FAM227B: variants seen among roughly 807,000 people sequenced by gnomAD.
FAM227B encodes the protein protein FAM227B.
Under a neutral mutation model 73.8 loss-of-function variants are expected in FAM227B, and 88 were observed. The ratio of observed to expected loss-of-function variants is 1.19; its 90% CI spans 1.00 to 1.42. The LOEUF (loss-of-function observed/expected upper bound fraction) is 1.42, where lower values mean the gene tolerates loss of function less well. FAM227B is among the 40% of genes most tolerant of loss of function. The pLI is 0.00. For synonymous variants in FAM227B, 210 were observed against 190.5 expected, an observed-to-expected ratio of 1.10 and a Z score of -0.84; for missense variants, 632 against 590.9, an observed-to-expected ratio of 1.07 and a Z score of -0.72.
intron 10 of FAM227B, among the ~76,000 whole-genome samples, chr15:49,519,040 T>C (rs947379977): frequency 2.0e-5 from 3 of 152,232 alleles, no homozygotes; most frequent in Admixed American, 6.5e-5. Context: ...TGGGAGAAGT[T>C]GGCCAAAGTG....
At chr15:49,359,825 A>G (rs1459269275) in intron 13 of FAM227B, among the ~76,000 whole-genome samples, 6 of 139,388 alleles carry the variant, frequency 4.3e-5, no homozygotes, top group Middle Eastern at 3.5e-3. Context: ...AATAGCAAAG[A>G]CTTGGAACCA....
chr15:49,579,047 C>T (rs984844489), intron 5 of FAM227B, among the ~76,000 whole-genome samples: 1 of 152,032 alleles, frequency 6.6e-6, no homozygotes. Context: ...ATATAAATGG[C>T]CTACGAAAAA....
Position 49,591,025 on chromosome 15 carries a change from T to G in FAM227B, c.106-1018A>C, listed in dbSNP as rs2076500088. Among the ~76,000 whole-genome samples, 2 of 137,898 alleles carry G rather than the reference T, an allele frequency of 1.5e-5. 1 individual carries two copies. The highest frequency in any genetic ancestry group is 4.7e-4 in the South Asian group (2 of 4,288). 90.5% of individuals were successfully genotyped at this position (137,898 alleles called of 152,430 possible). The stretch of plus-strand genomic sequence containing the variant: ...CTTCTTTTCTTTCTCTTTCTCTTTT[T>G]TTTGTTTTTTTTTTTTTTGATTTTT... On this transcript the variant is annotated intron_variant, in intron 3 of 15. Coordinates refer to ENST00000299338, the MANE Select transcript of FAM227B (RefSeq NM_152647.3).
chr15:49,390,406 C>T (rs1014810581), intron 11 of FAM227B, among the ~76,000 whole-genome samples: 2 of 151,550 alleles, frequency 1.3e-5, no homozygotes, highest in Non-Finnish European at 2.9e-5. Flanking sequence ...ATATAGGGAT[C>T]CACAAGAAAA....
chr15:49,488,724 G>T (rs574376308), intron 11 of FAM227B: 2 of 151,946 alleles, frequency 1.3e-5, no homozygotes, highest in African/African-American at 4.8e-5. Context: ...CCTTCCATGT[G>T]TTAGTTATCT....
chr15:49,537,768 A>C (rs534951449), intron 10 of FAM227B, among the ~76,000 whole-genome samples: 12 of 152,356 alleles, frequency 7.9e-5, no homozygotes, highest in African/African-American at 2.9e-4. Context: ...TTTGCCCCAC[A>C]ATGTAGAACC....
At position 49,550,328 on chromosome 15, in the gene FAM227B, C is replaced by T. The variant is rs1386903846; in HGVS notation, c.748-8522G>A. Among the ~76,000 whole-genome samples the T allele has an allele frequency of 1.3e-3, 176 of 140,168 alleles. 1 individual carries two copies. Among genetic ancestry groups the T allele is most frequent in the South Asian group, 6.9e-3 (29 of 4,196 alleles). 92.0% of individuals were successfully genotyped at this position (140,168 alleles called of 152,430 possible). On this transcript the variant is annotated intron_variant, in intron 9 of 15. Coordinates refer to ENST00000299338, the MANE Select transcript of FAM227B (RefSeq NM_152647.3). ...CTCCCGGACGGGGCGGCTGGCCGGG[C>T]GGCGGGCTGACCCCCCCACCTCCCT...
intron 11 of FAM227B, among the ~76,000 whole-genome samples, chr15:49,438,021 G>GTT (rs2051273177): frequency 6.6e-6 from 1 of 151,610 alleles, no homozygotes; most frequent in Non-Finnish European, 1.5e-5. Context: ...AGAAGAAAGG[G>GTT]TATCTCTTCC....
chr15:49,493,346 C>T (rs1336081313), intron 11 of FAM227B, among the ~76,000 whole-genome samples: 3 of 151,944 alleles, frequency 2.0e-5, no homozygotes, highest in Non-Finnish European at 4.4e-5. Context: ...TGGTTCCATC[C>T]ATCTGGTCCA....
chr15:49,355,298 C>T (rs990947859), intron 13 of FAM227B, among the ~76,000 whole-genome samples: 40 of 152,054 alleles, frequency 2.6e-4, no homozygotes, highest in South Asian at 8.3e-4. Flanking sequence ...CTCTGAGCTA[C>T]GGGAGGACAT....
intron 11 of FAM227B, among the ~76,000 whole-genome samples, chr15:49,452,719 C>T (rs1426346568): frequency 6.6e-6 from 1 of 151,982 alleles, no homozygotes; most frequent in African/African-American, 2.4e-5. Flanking sequence ...ATCTTGGTTT[C>T]TTTATTGGGT....
At chr15:49,335,615 T>C in intron 13 of FAM227B, 119 bp from the exon 14 acceptor site, 1 of 634,868 alleles carries the variant, frequency 1.6e-6, no homozygotes, top group Non-Finnish European at 2.8e-6. Context: ...ATGAAGAGTC[T>C]CAAGTATAAA....
intron 10 of FAM227B, among the ~76,000 whole-genome samples, chr15:49,523,667 G>A (rs1161111962): frequency 6.6e-6 from 1 of 152,150 alleles, no homozygotes; most frequent in Non-Finnish European, 1.5e-5. Context: ...CAATTTGGAG[G>A]GCCCAGAAGA....
chr15:49,359,675 G>C (rs1410472663), intron 13 of FAM227B, among the ~76,000 whole-genome samples: 1 of 136,362 alleles, frequency 7.3e-6, no homozygotes, highest in Non-Finnish European at 1.6e-5. Flanking sequence ...GTGGAAGTCA[G>C]TGTGGCGATT....
At chr15:49,479,707 A>G (rs1016287940) in intron 11 of FAM227B, among the ~76,000 whole-genome samples, 7 of 139,544 alleles carry the variant, frequency 5.0e-5, no homozygotes, top group Admixed American at 4.8e-4. Flanking sequence ...TCCGCCTCCC[A>G]GGTTCAAATG....
chr15:49,328,843 C>CATGTA, intron 15 of FAM227B, 168 bp from the exon 16 acceptor site: 2 of 1,372,958 alleles, frequency 1.5e-6, no homozygotes, highest in East Asian at 5.1e-5. Flanking sequence ...ATTTGTAAAC[C>CATGTA]ATGTAATATA....
intron 10 of FAM227B, among the ~76,000 whole-genome samples, chr15:49,540,723 G>C (rs1459472485): frequency 4.6e-5 from 7 of 152,174 alleles, no homozygotes; most frequent in Non-Finnish European, 7.4e-5. Flanking sequence ...GAATTTTGGG[G>C]AAGATACAAT....
rs73404194 is a variant in FAM227B, at chr15:49,587,842, T to C, written c.405+174A>G. On this transcript the variant is annotated intron_variant, in intron 5 of 15. Coordinates refer to ENST00000299338, the MANE Select transcript of FAM227B (RefSeq NM_152647.3). ...TGAAGATGCCAATACTCAGTAATAC[T>C]GAGTATGAAAAGAAAGTAAGTGCAG... Among the ~76,000 whole-genome samples, 1,474 of 152,160 alleles carry C rather than the reference T, an allele frequency of 9.7e-3. 23 individuals are homozygous for C. The highest frequency in any genetic ancestry group is 0.034 in the African/African-American group (1,416 of 41,520).
At chr15:49,413,572 C>T (rs2049014702) in intron 11 of FAM227B, among the ~76,000 whole-genome samples, 1 of 152,038 alleles carries the variant, frequency 6.6e-6, no homozygotes. Context: ...ACCTGTATTT[C>T]AATTATGGCC....
Sources: gnomAD v4.1 joint callset for allele counts (sites outside exome capture counted in the v4.1 genomes callset) on GRCh38, gnomAD v4.1.1 for gene constraint, MANE v1.5 for transcripts, NCBI Gene and HGNC (gene_info 2026-07-23, HGNC 2026-07-21) for gene names.